The following DRD4 variants were observed in gnomAD, a reference collection of about 807,000 sequenced individuals.
The protein encoded by DRD4 is D(4) dopamine receptor.
Under a neutral mutation model 22.1 loss-of-function variants are expected in DRD4, and 26 were observed. The observed-to-expected ratio is 1.17, with a 90% CI of 0.86 to 1.63. The LOEUF (loss-of-function observed/expected upper bound fraction) is 1.63. DRD4 is among the 40% of genes most tolerant of loss of function. The probability of loss-of-function intolerance (pLI) is 0.00; values close to 1 mark genes in which losing one functional copy is unlikely to be tolerated. For synonymous variants in DRD4, 455 were observed against 306.7 expected (o/e 1.48, Z -5.05); for missense variants, 913 against 632.4 (o/e 1.44, Z -4.76).
In DRD4 at chr11:639,560, C is replaced by CCGCCCGCGCCCCGGCG. The variant is rs1554931848; in HGVS notation, c.398+17_398+32dup. The CCGCCCGCGCCCCGGCG allele has an allele frequency of 1.2e-5, 17 of 1,441,718 alleles. No individual in the cohort carries two copies. The East Asian group carries it at 3.1e-4, about 26-fold the overall frequency. The allele number at this position is 1,441,718 out of a possible 1,614,324, so 89.3% of individuals were successfully genotyped here. A position where few individuals can be genotyped will look rare whatever the true frequency, so the allele number is the denominator to read the frequency against. ...AGCGTGGACAGGTGCGCCGCCCTCC[C>CCGCCCGCGCCCCGGCG]CGCCCGCGCCCCGGCGCCCCCGCGC... On this transcript the variant is annotated intron_variant, in intron 2 of 3. Coordinates refer to ENST00000176183, the MANE Select transcript of DRD4 (RefSeq NM_000797.4).
Position 640,151 on chromosome 11 carries a change from TC to T in DRD4, c.908del (p.Pro303ArgfsTer43), listed in dbSNP as rs1203716308. 6.8e-7 allele frequency: 1 copy of T among 1,475,356 alleles called. No individual in the cohort carries two copies. Among genetic ancestry groups the T allele is most frequent in the South Asian group, 1.3e-5 (1 of 76,928 alleles). The allele number at this position is 1,475,356 out of a possible 1,614,324, so 91.4% of individuals were successfully genotyped here. ...GPDCAPPAPGLPPDPCGSNCA... is the reference protein window; with the variant it reads ...GPDCAPPAPGXPPDPCGSNCA... ...GACTGTGCGCCCCCCGCGCCCGGCCTCCCCCCGGACCCCTGCGGCTCCAACT... is the reference window on the plus strand; with the variant it reads ...GACTGTGCGCCCCCCGCGCCCGGCCTCCCCCGGACCCCTGCGGCTCCAACT... On this transcript the variant is annotated frameshift_variant, in exon 3 of 4. Coordinates refer to ENST00000176183, the MANE Select transcript of DRD4 (RefSeq NM_000797.4). LOFTEE classifies it high-confidence loss of function.
chr11:638,099 A>G (rs1200758668), intron 1 of DRD4, among the ~76,000 whole-genome samples: 3 of 152,222 alleles, frequency 2.0e-5, no homozygotes, highest in Non-Finnish European at 4.4e-5. Flanking sequence ...TGGGCTGGAC[A>G]AAACCCAGGG....
At chr11:639,318 C>A in intron 1 of DRD4, 115 bp from the exon 2 acceptor site, 2 of 992,308 alleles carry the variant, frequency 2.0e-6, no homozygotes, top group South Asian at 1.4e-5. Flanking sequence ...GCCTCTGGCT[C>A]ACAGCCGGGC....
Position 639,546 on chromosome 11 carries a change from G to A in DRD4, c.398+1G>A. 2.0e-6 allele frequency: 3 copies of A among 1,534,212 alleles called. No homozygotes were observed. The highest frequency in any genetic ancestry group is 2.6e-6 in the Non-Finnish European group (3 of 1,147,226). ...ACCTGTGCGCCATCAGCGTGGACAG[G>A]TGCGCCGCCCTCCCCGCCCGCGCCC... On this transcript the variant is annotated splice_donor_variant, in intron 2 of 3. Transcript: ENST00000176183. LOFTEE classifies it high-confidence loss of function.
rs776690635 is a variant in DRD4 at position 639,849 on chromosome 11, C to T, written c.600C>T (p.Ser200=). 6 of 1,585,342 alleles carry T rather than the reference C, an allele frequency of 3.8e-6. No individual in the cohort carries two copies. In the African/African-American group the frequency reaches 5.4e-5, roughly 14 times the overall value. Residue 200 remains serine (S), a synonymous_variant, in exon 3 of 4, where the codon TCC becomes TCT. Coordinates refer to ENST00000176183, the MANE Select transcript of DRD4 (RefSeq NM_000797.4). The part of the protein sequence containing the change: ...RDYVVYSSVC[S]FFLPCPLMLL... ...ACGTGGTCTACTCGTCCGTGTGCTCCTTCTTCCTACCCTGCCCGCTCATGC... is the reference window on the plus strand; with the variant it reads ...ACGTGGTCTACTCGTCCGTGTGCTCTTTCTTCCTACCCTGCCCGCTCATGC...
Position 637,345 on chromosome 11 carries a change from C to A in DRD4, c.41C>A (p.Ala14Asp). The A allele has an allele frequency of 7.8e-7, 1 of 1,282,606 alleles. No individual in the cohort carries two copies. Among genetic ancestry groups the A allele is most frequent in the Non-Finnish European group, 9.8e-7 (1 of 1,021,774 alleles). The allele number at this position is 1,282,606 out of a possible 1,614,324, so 79.5% of individuals were successfully genotyped here. A position where few individuals can be genotyped will look rare whatever the true frequency, so the allele number is the denominator to read the frequency against. ...ACCGCGGACGCGGACGGGCTGCTGGCTGGGCGCGGGCCGGCCGCGGGGGCA... is the reference window on the plus strand; with the variant it reads ...ACCGCGGACGCGGACGGGCTGCTGGATGGGCGCGGGCCGGCCGCGGGGGCA... ...RSTADADGLL[A>D]GRGPAAGASA... is the part of the protein sequence containing the mutation. The change falls in exon 1 of 4, where the codon GCT becomes GAT. Residue 14 changes from alanine (A) to aspartate (D), a missense_variant. Coordinates refer to ENST00000176183, the MANE Select transcript of DRD4 (RefSeq NM_000797.4).
At position 640,443 on chromosome 11, in the gene DRD4, T is replaced by C; in HGVS notation, c.1100T>C (p.Ile367Thr). The C allele has an allele frequency of 6.2e-7, 1 of 1,601,412 alleles. No homozygotes were observed. The change falls in exon 4 of 4, where the codon ATC (isoleucine) becomes ACC (threonine). Residue 367 changes from isoleucine to threonine, a missense_variant. Coordinates refer to ENST00000176183, the MANE Select transcript of DRD4 (RefSeq NM_000797.4). ...LCWTPFFVVH[I>T]TQALCPACSV... ...TGGACGCCCTTCTTCGTGGTGCACA[T>C]CACGCAGGCGCTGTGTCCTGCCTGC...
chr11:637,865 C>T (rs1439491389), intron 1 of DRD4, among the ~76,000 whole-genome samples: 1 of 152,240 alleles, frequency 6.6e-6, no homozygotes, highest in Non-Finnish European at 1.5e-5. Flanking sequence ...GTCCTTCTAT[C>T]CAGGGACCCC....
chr11:639,583 C>G lies in DRD4; in HGVS notation c.398+38C>G. 3.8e-6 allele frequency: 5 copies of G among 1,312,834 alleles called. No homozygotes were observed. In the Admixed American group the frequency reaches 1.2e-4, roughly 32 times the overall value. The allele number at this position is 1,312,834 out of a possible 1,614,324, so 81.3% of individuals were successfully genotyped here. A position where few individuals can be genotyped will look rare whatever the true frequency, so the allele number is the denominator to read the frequency against. ...CCCCGCCCGCGCCCCGGCGCCCCCGCGCCCCGCCCGCCGCCCTCACCGCGG... is the reference window on the plus strand; with the variant it reads ...CCCCGCCCGCGCCCCGGCGCCCCCGGGCCCCGCCCGCCGCCCTCACCGCGG... On this transcript the variant is annotated intron_variant, in intron 2 of 3. Transcript: ENST00000176183.
intron 1 of DRD4, 178 bp from the exon 2 acceptor site, chr11:639,255 A>T: frequency 1.6e-6 from 1 of 632,730 alleles, no homozygotes. Context: ...ACCCTAACTC[A>T]AAACAAAGGG....
At chr11:638,292 C>G (rs1049925469) in intron 1 of DRD4, among the ~76,000 whole-genome samples, 2 of 152,182 alleles carry the variant, frequency 1.3e-5, no homozygotes, top group Non-Finnish European at 2.9e-5. Context: ...GCGGTGTCCC[C>G]GACTGTGGGG....
At position 640,493 on chromosome 11, in the gene DRD4, G is replaced by T; in HGVS notation, c.1150G>T (p.Ala384Ser). The T allele has an allele frequency of 6.2e-7, 1 of 1,602,044 alleles. No individual in the cohort carries two copies. The highest frequency in any genetic ancestry group is 1.1e-5 in the South Asian group (1 of 91,086). ...ACSVPPRLVS[A>S]VTWLGYVNSA... is the part of the protein sequence containing the mutation. ...CTCCGTGCCCCCGCGGCTGGTCAGC[G>T]CCGTCACCTGGCTGGGCTACGTCAA... The change falls in exon 4 of 4, where the codon GCC becomes TCC. Residue 384 changes from alanine (A) to serine (S), a missense_variant. Ala to Ser is a moderately conservative substitution (Grantham distance 99, BLOSUM62 1). Coordinates refer to ENST00000176183, the MANE Select transcript of DRD4 (RefSeq NM_000797.4).
Position 639,629 on chromosome 11 carries a change from C to T in DRD4, c.399-19C>T. 1 of 1,417,272 alleles carries T rather than the reference C, an allele frequency of 7.1e-7. No homozygotes were observed. Among genetic ancestry groups the T allele is most frequent in the South Asian group, 1.4e-5 (1 of 72,642 alleles). The allele number at this position is 1,417,272 out of a possible 1,614,324, so 87.8% of individuals were successfully genotyped here. On this transcript the variant is annotated intron_variant, in intron 2 of 3. Coordinates refer to ENST00000176183, the MANE Select transcript of DRD4 (RefSeq NM_000797.4). ...CGCGGCCTGTGCGCTGTCCGGCGCC[C>T]CCTCGGCGCTCCCCGCAGGTTCGTG...
chr11:637,295 C>T lies in DRD4; in HGVS notation c.-10C>T, dbSNP rs550430259. The stretch of plus-strand genomic sequence containing the variant: ...TTGTCCGCGGTGCTCAGCGCCCGCC[C>T]GGGCGCGCCATGGGGAACCGCAGCA... On this transcript the variant is annotated 5_prime_UTR_variant, in exon 1 of 4. Transcript: ENST00000176183. 458 of 1,197,474 alleles carry T rather than the reference C, an allele frequency of 3.8e-4. 1 individual carries two copies. Among genetic ancestry groups the T allele is most frequent in the African/African-American group, 7.2e-4 (45 of 62,438 alleles). 74.2% of individuals were successfully genotyped at this position (1,197,474 alleles called of 1,614,324 possible). A position where few individuals can be genotyped will look rare whatever the true frequency, so the allele number is the denominator to read the frequency against.
chr11:637,475 G>C lies in DRD4; in HGVS notation c.171G>C (p.Val57=), dbSNP rs201211288. The change falls in exon 1 of 4, where the codon GTG becomes GTC. Residue 57 remains valine (V), a synonymous_variant. Coordinates refer to ENST00000176183, the MANE Select transcript of DRD4 (RefSeq NM_000797.4). Reference sequence around the variant, plus strand: ...TCGCGGGGAACTCGCTCGTGTGCGTGAGCGTGGCCACCGAGCGCGCCCTGC... The same window carrying C: ...TCGCGGGGAACTCGCTCGTGTGCGTCAGCGTGGCCACCGAGCGCGCCCTGC... ...AVLAGNSLVC[V]SVATERALQT... 14 of 1,540,056 alleles carry C rather than the reference G, an allele frequency of 9.1e-6. No homozygotes were observed. In the East Asian group the frequency reaches 2.2e-4, roughly 24 times the overall value.
chr11:637,271 T>A lies in DRD4; in HGVS notation c.-34T>A, dbSNP rs1228463260. The stretch of plus-strand genomic sequence containing the variant: ...GACTCCCCGGCTTGCGACCCGGCGT[T>A]GTCCGCGGTGCTCAGCGCCCGCCCG... On this transcript the variant is annotated 5_prime_UTR_variant, in exon 1 of 4. Transcript: ENST00000176183. 20 of 1,171,592 alleles carry A rather than the reference T, an allele frequency of 1.7e-5. No individual in the cohort carries two copies. Among genetic ancestry groups the A allele is most frequent in the Non-Finnish European group, 2.0e-5 (19 of 950,372 alleles). 72.6% of individuals were successfully genotyped at this position (1,171,592 alleles called of 1,614,324 possible).
Position 639,848 on chromosome 11 carries a change from CCTT to C in DRD4, c.604_606del (p.Phe202del), listed in dbSNP as rs748686632. On this transcript the variant is annotated inframe_deletion, in exon 3 of 4. Transcript: ENST00000176183. ...TACGTGGTCTACTCGTCCGTGTGCTCCTTCTTCCTACCCTGCCCGCTCATGCTG... is the reference window on the plus strand; with the variant it reads ...TACGTGGTCTACTCGTCCGTGTGCTCCTTCCTACCCTGCCCGCTCATGCTG... 2.4e-5 allele frequency: 38 copies of C among 1,586,770 alleles called. 1 individual carries two copies. The South Asian group carries it at 2.8e-4, about 12-fold the overall frequency.
At chr11:640,343 G>GA (rs989509727) in intron 3 of DRD4, 37 bp downstream of exon 3, 6 of 1,551,010 alleles carry the variant, frequency 3.9e-6, no homozygotes, top group African/African-American at 1.4e-5. Flanking sequence ...AGGAGAGGAG[G>GA]GGGGGGGTAC....
At position 639,961 on chromosome 11, in the gene DRD4, C is replaced by T; in HGVS notation, c.712C>T (p.Pro238Ser). 1.3e-6 allele frequency: 2 copies of T among 1,484,250 alleles called. No individual in the cohort carries two copies. The highest frequency in any genetic ancestry group is 1.8e-6 in the Non-Finnish European group (2 of 1,121,926). 91.9% of individuals were successfully genotyped at this position (1,484,250 alleles called of 1,614,324 possible). A position where few individuals can be genotyped will look rare whatever the true frequency, so the allele number is the denominator to read the frequency against. ...AKLHGRAPRR[P>S]SGPGPPSPTP... ...GCTGCACGGCCGCGCGCCCCGCCGACCCAGCGGCCCTGGCCCGCCTTCCCC... is the reference window on the plus strand; with the variant it reads ...GCTGCACGGCCGCGCGCCCCGCCGATCCAGCGGCCCTGGCCCGCCTTCCCC... Residue 238 changes from proline to serine, a missense_variant, in exon 3 of 4, where the codon CCC becomes TCC. Coordinates refer to ENST00000176183, the MANE Select transcript of DRD4 (RefSeq NM_000797.4).
Sources: gnomAD v4.1 joint callset for allele counts (sites outside exome capture counted in the v4.1 genomes callset) on GRCh38, gnomAD v4.1.1 for gene constraint, MANE v1.5 for transcripts, NCBI Gene and HGNC (gene_info 2026-07-23, HGNC 2026-07-21) for gene names.